Variants in RORA observed in about 807,000 individuals in gnomAD.
The protein encoded by RORA is nuclear receptor ROR-alpha.
In RORA, 7 loss-of-function variants were observed where a neutral mutation model predicts 69.5. The ratio of observed to expected loss-of-function variants is 0.10; its 90% confidence interval spans 0.06 to 0.19. The LOEUF (loss-of-function observed/expected upper bound fraction) is 0.19, where lower values mean the gene tolerates loss of function less well. Among genes scored for constraint, RORA ranks in the 10% least tolerant of loss-of-function variants. The probability of loss-of-function intolerance (pLI) is 1.00; values close to 1 mark genes in which losing one functional copy is unlikely to be tolerated. For synonymous variants in RORA, 261 were observed against 240.8 expected, an observed-to-expected ratio of 1.08 and a Z score of -0.78; for missense variants, 457 against 663.0, an observed-to-expected ratio of 0.69 and a Z score of 3.41.
At chr15:60,649,498 C>T (rs1381889384) in intron 2 of RORA, among the ~76,000 whole-genome samples, 1 of 152,184 alleles carries the variant, frequency 6.6e-6, no homozygotes, top group Non-Finnish European at 1.5e-5. Flanking sequence ...CACGCCACTT[C>T]CTAGCTCTTC....
rs201883906 is a variant in RORA at position 60,885,591 on chromosome 15, G to T, written c.167-206905C>A. 2.0e-5 allele frequency among the ~76,000 whole-genome samples: 3 copies of T among 152,348 alleles called. No individual in the cohort carries two copies. The East Asian group carries it at 5.8e-4, about 29-fold the overall frequency. On this transcript the variant is annotated intron_variant, in intron 1 of 10. Coordinates refer to ENST00000335670, the MANE Select transcript of RORA (RefSeq NM_134261.3). Reference sequence around the variant, plus strand: ...GTGATAGACAGTCTGGTCCAGGCAAGAGGATGACAATGTCTGTCTACTTTC... The same window carrying T: ...GTGATAGACAGTCTGGTCCAGGCAATAGGATGACAATGTCTGTCTACTTTC...
intron 1 of RORA, among the ~76,000 whole-genome samples, chr15:60,872,482 G>T (rs1255804540): frequency 6.6e-6 from 1 of 152,140 alleles, no homozygotes; most frequent in Non-Finnish European, 1.5e-5. Flanking sequence ...CCACACCAGG[G>T]TCTCTCAGGG....
In RORA at chr15:61,002,308, C is replaced by T. The variant is rs529134111; in HGVS notation, c.166+226745G>A. Among the ~76,000 whole-genome samples the T allele has an allele frequency of 1.5e-4, 23 of 152,214 alleles. 1 individual carries two copies. The South Asian group carries it at 4.8e-3, about 32-fold the overall frequency. On this transcript the variant is annotated intron_variant, in intron 1 of 10. Transcript: ENST00000335670. ...GTGTGTTGAAGCTGCAGCATATGAA[C>T]CAATAAAGCTACCTCTGAGTAACAT... is the stretch of plus-strand genomic sequence containing the variant.
intron 1 of RORA, among the ~76,000 whole-genome samples, chr15:60,853,780 G>A (rs1393636741): frequency 6.6e-6 from 1 of 152,216 alleles, no homozygotes; most frequent in Non-Finnish European, 1.5e-5. Context: ...TGGACTTGGA[G>A]TCAGATAGAC....
intron 2 of RORA, among the ~76,000 whole-genome samples, chr15:60,569,690 A>C (rs1255184781): frequency 6.6e-6 from 1 of 152,208 alleles, no homozygotes; most frequent in Non-Finnish European, 1.5e-5. Context: ...CGACAGCTCA[A>C]AAGGGTGAAT....
chr15:61,072,057 T>C (rs1252261282), intron 1 of RORA, among the ~76,000 whole-genome samples: 1 of 152,182 alleles, frequency 6.6e-6, no homozygotes, highest in East Asian at 1.9e-4. Context: ...GTTTTTTAAA[T>C]GCTCATGATG....
Position 60,511,905 on chromosome 15 carries a change from C to T in RORA, c.425-284G>A. 2.8e-6 allele frequency: 1 copy of T among 359,462 alleles called. No homozygotes were observed. The highest frequency in any genetic ancestry group is 5.1e-6 in the Non-Finnish European group (1 of 196,218). 22.3% of individuals were successfully genotyped at this position (359,462 alleles called of 1,614,324 possible). A position where few individuals can be genotyped will look rare whatever the true frequency, so the allele number is the denominator to read the frequency against. The stretch of plus-strand genomic sequence containing the variant: ...TGCCACTTCTGTTTCCCTGCTGTCA[C>T]ATCCCCCGTTTCCACTGCGCCCCAC... On this transcript the variant is annotated intron_variant, in intron 4 of 10. Coordinates refer to ENST00000335670, the MANE Select transcript of RORA (RefSeq NM_134261.3). This position sits in a 1 kb window ranked among gnomAD's most constrained non-coding sequence, Gnocchi z 6.4.
chr15:60,676,147 G>T (rs2070549994), intron 2 of RORA, among the ~76,000 whole-genome samples: 1 of 152,176 alleles, frequency 6.6e-6, no homozygotes, highest in South Asian at 2.1e-4. Context: ...GGACAGTTCA[G>T]TTTTCAAGAA....
chr15:60,729,529 A>T (rs2071403820), intron 1 of RORA, among the ~76,000 whole-genome samples: 1 of 152,054 alleles, frequency 6.6e-6, no homozygotes, highest in South Asian at 2.1e-4. Context: ...CCAATAGCAG[A>T]CTCCCAATGT....
chr15:60,883,869 G>C (rs551691160), intron 1 of RORA, among the ~76,000 whole-genome samples: 20 of 152,310 alleles, frequency 1.3e-4, no homozygotes, highest in African/African-American at 4.6e-4. Context: ...GGGATACCAC[G>C]ATGTGGCTAC....
intron 1 of RORA, among the ~76,000 whole-genome samples, chr15:60,752,147 G>C (rs1000148620): frequency 6.6e-6 from 1 of 152,100 alleles, no homozygotes; most frequent in Non-Finnish European, 1.5e-5. Flanking sequence ...ATAAAGAAGA[G>C]AGAGGGCAGA....
At chr15:60,873,820 T>G (rs2140438659) in intron 1 of RORA, among the ~76,000 whole-genome samples, 1 of 152,272 alleles carries the variant, frequency 6.6e-6, no homozygotes, top group South Asian at 2.1e-4. Flanking sequence ...TAATACATTC[T>G]GGAGCAAAAA....
At chr15:60,976,889 C>A (rs1003885923) in intron 1 of RORA, among the ~76,000 whole-genome samples, 1 of 152,134 alleles carries the variant, frequency 6.6e-6, no homozygotes, top group African/African-American at 2.4e-5. Flanking sequence ...TTGAAATAAT[C>A]CTCGCTCGCA....
At chr15:61,227,573 A>T (rs1334508731) in intron 1 of RORA, among the ~76,000 whole-genome samples, 1 of 151,148 alleles carries the variant, frequency 6.6e-6, no homozygotes, top group Non-Finnish European at 1.5e-5. Flanking sequence ...GGGTGTGGCT[A>T]AGGTGGGGGG....
rs1566958547 is a variant in RORA at position 61,040,165 on chromosome 15, A to AT, written c.166+188887_166+188888insA. ...ATATATATATATATATATATATATAAAATATATGAAATATACATTATAGTG... is the reference window on the plus strand; with the variant it reads ...ATATATATATATATATATATATATAATAATATATGAAATATACATTATAGTG... On this transcript the variant is annotated intron_variant, in intron 1 of 10. Coordinates refer to ENST00000335670, the MANE Select transcript of RORA (RefSeq NM_134261.3). Among the ~76,000 whole-genome samples the AT allele has an allele frequency of 6.3e-4, 64 of 101,682 alleles. 1 individual carries two copies. The highest frequency in any genetic ancestry group is 1.1e-3 in the Non-Finnish European group (54 of 47,604). 66.7% of individuals were successfully genotyped at this position (101,682 alleles called of 152,430 possible).
intron 1 of RORA, among the ~76,000 whole-genome samples, chr15:60,746,187 G>C (rs1316641921): frequency 1.3e-5 from 2 of 152,160 alleles, no homozygotes; most frequent in Non-Finnish European, 2.9e-5. Context: ...AGTCAGAGTT[G>C]AAAAGCACAA....
intron 1 of RORA, among the ~76,000 whole-genome samples, chr15:61,094,380 C>T (rs546191446): frequency 2.0e-5 from 3 of 152,108 alleles, no homozygotes; most frequent in East Asian, 1.9e-4. Context: ...CAAATATGAC[C>T]GTATGATCTA....
In RORA at chr15:61,178,205, C is replaced by A. The variant is rs528740505; in HGVS notation, c.166+50848G>T. On this transcript the variant is annotated intron_variant, in intron 1 of 10. Transcript: ENST00000335670. ...ATTCTAAATCCATTCAACTATAAATCTGAGTTATTACTTTGAAAGCTAGCT... is the reference window on the plus strand; with the variant it reads ...ATTCTAAATCCATTCAACTATAAATATGAGTTATTACTTTGAAAGCTAGCT... 1.8e-3 allele frequency among the ~76,000 whole-genome samples: 279 copies of A among 152,218 alleles called. 1 individual carries two copies. Among genetic ancestry groups the A allele is most frequent in the Non-Finnish European group, 3.5e-3 (235 of 68,008 alleles).
rs1016657943 is a variant in RORA at position 60,523,846 on chromosome 15, A to T, written c.282+7920T>A. On this transcript the variant is annotated intron_variant, in intron 3 of 10. Coordinates refer to ENST00000335670, the MANE Select transcript of RORA (RefSeq NM_134261.3). ...GCCATCATGCCTGGCTAATTTTTAA[A>T]TTTTTTGTAGAGGAGACAGGGTCTC... Among the ~76,000 whole-genome samples, 7 of 152,100 alleles carry T rather than the reference A, an allele frequency of 4.6e-5. No homozygotes were observed. In the South Asian group the frequency reaches 6.2e-4, roughly 14 times the overall value.
Sources: allele counts gnomAD v4.1 joint callset (sites outside exome capture counted in the v4.1 genomes callset), GRCh38; gene constraint gnomAD v4.1.1; non-coding constraint Gnocchi (gnomAD v3.1); transcripts MANE v1.5; gene names NCBI Gene and HGNC (gene_info 2026-07-23, HGNC 2026-07-21).